Variants in GRID2 observed in about 807,000 individuals in gnomAD.
GRID2 encodes the protein glutamate receptor ionotropic, delta-2.
Under a neutral mutation model 114.8 loss-of-function variants are expected in GRID2, and 33 were observed. That is an observed-to-expected ratio of 0.29 (90% CI 0.22 to 0.38). GRID2 has a LOEUF of 0.38. Ranked by LOEUF, GRID2 falls within the 10% of genes least tolerant of loss-of-function variation. The pLI, the probability that GRID2 is intolerant of heterozygous loss-of-function variation, is 1.00. For synonymous variants in GRID2, 505 were observed against 449.9 expected (o/e 1.12, Z -1.55); for missense variants, 1,184 against 1,257.7 (o/e 0.94, Z 0.89).
At position 92,942,669 on chromosome 4, in the gene GRID2, G is replaced by A. The variant is rs117769548; in HGVS notation, c.245-142326G>A. ...GATGCAGTTGCTTCCTAGCCTTGACGGTCTTTACAATTGTGTATGTTTTTG... is the reference window on the plus strand; with the variant it reads ...GATGCAGTTGCTTCCTAGCCTTGACAGTCTTTACAATTGTGTATGTTTTTG... On this transcript the variant is annotated intron_variant, in intron 2 of 15. Transcript: ENST00000282020. Among the ~76,000 whole-genome samples, 11 of 152,218 alleles carry A rather than the reference G, an allele frequency of 7.2e-5. No homozygotes were observed. The East Asian group carries it at 9.7e-4, about 13-fold the overall frequency.
At chr4:92,698,405 G>A (rs971637420) in intron 2 of GRID2, among the ~76,000 whole-genome samples, 1 of 151,914 alleles carries the variant, frequency 6.6e-6, no homozygotes, top group South Asian at 2.1e-4. Context: ...TGGGGGTAAT[G>A]ATGTTACCTG....
chr4:92,789,253 G>A (rs1739460176), intron 2 of GRID2, among the ~76,000 whole-genome samples: 1 of 151,776 alleles, frequency 6.6e-6, no homozygotes, highest in African/African-American at 2.4e-5. Context: ...TATCTTTGCT[G>A]TTTTGTAGCT....
chr4:92,358,749 G>T (rs1048242604), intron 1 of GRID2, among the ~76,000 whole-genome samples: 6 of 151,710 alleles, frequency 4.0e-5, no homozygotes, highest in Non-Finnish European at 8.8e-5. Context: ...ATGTAATGAT[G>T]GGAAAAGGCT....
chr4:92,370,239 A>G (rs910735948), intron 1 of GRID2, among the ~76,000 whole-genome samples: 2 of 152,292 alleles, frequency 1.3e-5, no homozygotes, highest in African/African-American at 4.8e-5. Context: ...AATTTCACCC[A>G]TGTAAGATGA....
chr4:92,604,044 G>T (rs971518477), intron 2 of GRID2, among the ~76,000 whole-genome samples: 9 of 152,100 alleles, frequency 5.9e-5, no homozygotes, highest in African/African-American at 2.2e-4. Flanking sequence ...AACAACAGAT[G>T]CTGGTGTGAC....
chr4:92,368,311 G>A (rs959551547), intron 1 of GRID2, among the ~76,000 whole-genome samples: 1 of 152,054 alleles, frequency 6.6e-6, no homozygotes, highest in Non-Finnish European at 1.5e-5. Flanking sequence ...GCATTAAGAG[G>A]TAGGGAGTGA....
intron 4 of GRID2, among the ~76,000 whole-genome samples, chr4:93,161,994 T>A (rs954336703): frequency 6.6e-6 from 1 of 151,824 alleles, no homozygotes; most frequent in Non-Finnish European, 1.5e-5. Context: ...CTAATATATT[T>A]CCAAAAAATG....
chr4:93,129,452 A>G (rs150461536), intron 4 of GRID2, among the ~76,000 whole-genome samples: 12 of 152,136 alleles, frequency 7.9e-5, no homozygotes, highest in African/African-American at 2.7e-4. Context: ...CCCTTTCCGC[A>G]AGGATTCTGG....
chr4:93,747,715 T>C (rs1731962850), intron 14 of GRID2, among the ~76,000 whole-genome samples: 1 of 152,092 alleles, frequency 6.6e-6, no homozygotes, highest in African/African-American at 2.4e-5. Flanking sequence ...TAAAATCACA[T>C]ACTAAAAATC....
intron 14 of GRID2, among the ~76,000 whole-genome samples, chr4:93,706,501 A>C (rs185297703): frequency 6.6e-6 from 1 of 152,166 alleles, no homozygotes; most frequent in African/African-American, 2.4e-5. Context: ...TATGTTCTTG[A>C]TTGCTTTTTC....
intron 2 of GRID2, among the ~76,000 whole-genome samples, chr4:92,763,681 C>A (rs988345008): frequency 6.6e-6 from 1 of 152,092 alleles, no homozygotes; most frequent in Non-Finnish European, 1.5e-5. Context: ...TCATAGAATG[C>A]ACTTTATGCT....
At chr4:93,582,201 A>G (rs1399242143) in intron 13 of GRID2, among the ~76,000 whole-genome samples, 1 of 151,948 alleles carries the variant, frequency 6.6e-6, no homozygotes, top group Non-Finnish European at 1.5e-5. Flanking sequence ...CAGCTCCTAC[A>G]AGTCACCTAC....
At chr4:92,454,768 A>G (rs1237291524) in intron 1 of GRID2, among the ~76,000 whole-genome samples, 4 of 152,208 alleles carry the variant, frequency 2.6e-5, no homozygotes, top group Non-Finnish European at 5.9e-5. Context: ...CCCAGGAGGC[A>G]GAGCTTGCAT....
intron 2 of GRID2, among the ~76,000 whole-genome samples, chr4:92,919,198 T>C (rs1009055645): frequency 3.9e-5 from 6 of 152,198 alleles, no homozygotes; most frequent in Admixed American, 3.9e-4. Flanking sequence ...AGTGGTGATA[T>C]CCCCTTTATC....
chr4:93,484,895 A>C (rs182518019), intron 11 of GRID2, among the ~76,000 whole-genome samples: 2 of 152,054 alleles, frequency 1.3e-5, no homozygotes, highest in African/African-American at 4.8e-5. Context: ...ATGCTTCTAC[A>C]AACATTTCTG....
At chr4:93,307,968 G>T (rs1755611566) in intron 8 of GRID2, among the ~76,000 whole-genome samples, 1 of 150,674 alleles carries the variant, frequency 6.6e-6, no homozygotes, top group Admixed American at 6.6e-5. Flanking sequence ...TTTATTACCA[G>T]AGGCCTGTTC....
At chr4:92,969,399 T>C (rs1753357914) in intron 2 of GRID2, among the ~76,000 whole-genome samples, 1 of 151,820 alleles carries the variant, frequency 6.6e-6, no homozygotes, top group South Asian at 2.1e-4. Flanking sequence ...TTATCATGAT[T>C]AATAACAATG....
At chr4:92,563,005 C>A (rs1727170049) in intron 1 of GRID2, among the ~76,000 whole-genome samples, 1 of 152,078 alleles carries the variant, frequency 6.6e-6, no homozygotes, top group Non-Finnish European at 1.5e-5. Flanking sequence ...CCCAGGCCTA[C>A]TCTTTTTCTC....
At chr4:92,843,276 C>T (rs1743053049) in intron 2 of GRID2, among the ~76,000 whole-genome samples, 1 of 151,666 alleles carries the variant, frequency 6.6e-6, no homozygotes, top group Non-Finnish European at 1.5e-5. Context: ...AAAAACAAGT[C>T]AAGAAGCTGA....
Sources: allele counts gnomAD v4.1 joint callset (sites outside exome capture counted in the v4.1 genomes callset), GRCh38; gene constraint gnomAD v4.1.1; transcripts MANE v1.5; gene names NCBI Gene and HGNC (gene_info 2026-07-23, HGNC 2026-07-21).